Variants in SPOCK3 observed in about 807,000 individuals in gnomAD.
The protein encoded by SPOCK3 is testican-3.
A neutral mutation model predicts 56.6 loss-of-function variants in SPOCK3; 30 were observed. The ratio of observed to expected loss-of-function variants is 0.53; its 90% CI spans 0.40 to 0.72. The LOEUF is 0.72. SPOCK3 is among the 30% of genes least tolerant of loss of function. The probability of loss-of-function intolerance (pLI) is 0.00; values close to 1 mark genes in which losing one functional copy is unlikely to be tolerated. For missense variants in SPOCK3, 527 were observed against 530.0 expected (o/e 0.99, Z 0.06); for synonymous variants, 196 against 183.3 (o/e 1.07, Z -0.56).
At chr4:167,225,517 A>T (rs1378417652) in intron 2 of SPOCK3, among the ~76,000 whole-genome samples, 1 of 152,064 alleles carries the variant, frequency 6.6e-6, no homozygotes, top group Non-Finnish European at 1.5e-5. Context: ...ATACTATATT[A>T]TTACTATTAT....
At chr4:167,055,325 A>G (rs1754675470) in intron 3 of SPOCK3, among the ~76,000 whole-genome samples, 2 of 152,232 alleles carry the variant, frequency 1.3e-5, no homozygotes, top group Non-Finnish European at 2.9e-5. Context: ...AGGGGAGCCA[A>G]GATGGCCAAA....
intron 4 of SPOCK3, among the ~76,000 whole-genome samples, chr4:166,923,452 A>T (rs1165489582): frequency 6.6e-6 from 1 of 152,232 alleles, no homozygotes; most frequent in Non-Finnish European, 1.5e-5. Flanking sequence ...CTCAGAAAAG[A>T]GAGATTCTAT....
intron 7 of SPOCK3, among the ~76,000 whole-genome samples, chr4:166,762,507 G>A (rs1737382418): frequency 7.2e-6 from 1 of 139,848 alleles, no homozygotes; most frequent in Non-Finnish European, 1.6e-5. Flanking sequence ...GTTGGGTACA[G>A]CCCAACAGAT....
intron 7 of SPOCK3, among the ~76,000 whole-genome samples, chr4:166,773,518 G>A (rs917849122): frequency 2.0e-5 from 3 of 152,066 alleles, no homozygotes; most frequent in African/African-American, 7.2e-5. Context: ...TTATACCAGA[G>A]ATTGTATAAG....
At chr4:167,000,625 C>G (rs2051736522) in intron 3 of SPOCK3, among the ~76,000 whole-genome samples, 162 bp from the exon 4 acceptor site, 1 of 152,154 alleles carries the variant, frequency 6.6e-6, no homozygotes. Flanking sequence ...ACCCACATAA[C>G]TCAGAGTTAA....
At chr4:166,932,940 T>C (rs1269127962) in intron 4 of SPOCK3, among the ~76,000 whole-genome samples, 1 of 152,160 alleles carries the variant, frequency 6.6e-6, no homozygotes, top group East Asian at 1.9e-4. Context: ...ATTGTTGATA[T>C]AATAATCAAT....
At chr4:166,955,092 G>T (rs190570473) in intron 4 of SPOCK3, among the ~76,000 whole-genome samples, 1 of 152,208 alleles carries the variant, frequency 6.6e-6, no homozygotes, top group African/African-American at 2.4e-5. Context: ...TATTAAGTGA[G>T]ATCACTGTTA....
intron 4 of SPOCK3, among the ~76,000 whole-genome samples, chr4:166,914,177 G>A (rs1225360052): frequency 2.0e-5 from 3 of 151,836 alleles, no homozygotes; most frequent in Non-Finnish European, 4.4e-5. Context: ...GAAAGTATAA[G>A]CAAGTTTGGG....
chr4:167,119,846 G>A, intron 2 of SPOCK3: 1 of 1,531,240 alleles, frequency 6.5e-7, no homozygotes, highest in Non-Finnish European at 8.7e-7. Flanking sequence ...CATCACTACT[G>A]TCCTGTCAAA....
At chr4:167,153,521 T>C (rs1178785252) in intron 2 of SPOCK3, among the ~76,000 whole-genome samples, 1 of 152,186 alleles carries the variant, frequency 6.6e-6, no homozygotes, top group Non-Finnish European at 1.5e-5. Flanking sequence ...TCGTGCCACA[T>C]TCCCAGTGAT....
At chr4:167,199,229 G>T (rs73861948) in intron 2 of SPOCK3, among the ~76,000 whole-genome samples, 3,356 of 108,102 alleles carry the variant, frequency 0.031, 112 homozygotes, top group African/African-American at 0.1. Flanking sequence ...ATTTGTTTGT[G>T]TGTGTGTGTG....
chr4:166,734,710 C>A lies in SPOCK3; in HGVS notation c.*211G>T. 2 of 456,278 alleles carry A rather than the reference C, an allele frequency of 4.4e-6. No individual in the cohort carries two copies. The allele number at this position is 456,278 out of a possible 1,614,324, so 28.3% of individuals were successfully genotyped here. A position where few individuals can be genotyped will look rare whatever the true frequency, so the allele number is the denominator to read the frequency against. On this transcript the variant is annotated 3_prime_UTR_variant, in exon 11 of 11. Coordinates refer to ENST00000357545, the MANE Select transcript of SPOCK3 (RefSeq NM_001040159.2). ...TCTGACTAGACTGCATATGTATTTT[C>A]TTTTTGTGTAAGGAATATAAAAACT...
At chr4:166,820,810 C>T (rs1237777253) in intron 6 of SPOCK3, among the ~76,000 whole-genome samples, 2 of 151,702 alleles carry the variant, frequency 1.3e-5, no homozygotes, top group Admixed American at 1.3e-4. Context: ...AGAGTAAGAC[C>T]CGTCTCAAAA....
At chr4:166,897,843 C>T (rs550759563) in intron 5 of SPOCK3, among the ~76,000 whole-genome samples, 51 of 152,174 alleles carry the variant, frequency 3.4e-4, no homozygotes, top group African/African-American at 1.2e-3. Context: ...TTATATCACC[C>T]AAATCATGAA....
At chr4:166,897,628 A>C (rs1057347728) in intron 5 of SPOCK3, among the ~76,000 whole-genome samples, 8 of 152,168 alleles carry the variant, frequency 5.3e-5, no homozygotes, top group Admixed American at 3.3e-4. Context: ...CACTAAGTAC[A>C]ATATTCTTTG....
rs575138329 is a variant in SPOCK3 at position 166,735,615 on chromosome 4, A to G, written c.1133-525T>C. ...TAAAATAAAAAAAAAAATGTTTTCC[A>G]GATAGAGTGGGAAGGAGCTATGACT... On this transcript the variant is annotated intron_variant, in intron 10 of 10. Transcript: ENST00000357545. Among the ~76,000 whole-genome samples, 6 of 152,176 alleles carry G rather than the reference A, an allele frequency of 3.9e-5. No homozygotes were observed. The South Asian group carries it at 1.2e-3, about 32-fold the overall frequency.
intron 6 of SPOCK3, among the ~76,000 whole-genome samples, chr4:166,831,654 CTCTTT>C (rs1276932293): frequency 6.7e-6 from 1 of 148,944 alleles, no homozygotes; most frequent in African/African-American, 2.5e-5. Context: ...TATGTGTCTT[CTCTTT>C]TATTTTCTTG....
intron 3 of SPOCK3, among the ~76,000 whole-genome samples, chr4:167,045,022 T>C (rs1753588314): frequency 6.6e-6 from 1 of 152,130 alleles, no homozygotes. Flanking sequence ...TTGTCTCCAG[T>C]ACAATAGTGA....
At chr4:166,940,467 C>G (rs1446228997) in intron 4 of SPOCK3, among the ~76,000 whole-genome samples, 5 of 151,770 alleles carry the variant, frequency 3.3e-5, no homozygotes, top group Non-Finnish European at 7.4e-5. Flanking sequence ...GGTGACCGTA[C>G]AATCAACACA....
Sources: gnomAD v4.1 joint callset for allele counts (sites outside exome capture counted in the v4.1 genomes callset) on GRCh38, gnomAD v4.1.1 for gene constraint, MANE v1.5 for transcripts, NCBI Gene and HGNC (gene_info 2026-07-23, HGNC 2026-07-21) for gene names.